Variants in PAPSS1 observed in about 807,000 individuals in gnomAD.
PAPSS1 encodes the protein bifunctional 3'-phosphoadenosine 5'-phosphosulfate synthase 1.
In PAPSS1, 50 loss-of-function variants were observed where a neutral mutation model predicts 72.0. That is an observed-to-expected ratio of 0.69 (90% CI 0.55 to 0.88). The LOEUF (loss-of-function observed/expected upper bound fraction) is 0.88, where lower values mean the gene tolerates loss of function less well. Ranked by LOEUF, PAPSS1 falls within the 40% of genes least tolerant of loss-of-function variation. PAPSS1 has a pLI of 0.00. For synonymous variants in PAPSS1, 261 were observed against 263.6 expected (o/e 0.99, Z 0.09); for missense variants, 657 against 782.2 (o/e 0.84, Z 1.91).
intron 11 of PAPSS1, among the ~76,000 whole-genome samples, chr4:107,621,506 G>A: frequency 6.6e-6 from 1 of 150,976 alleles, no homozygotes; most frequent in Non-Finnish European, 1.5e-5. Flanking sequence ...CTCTTAGGGG[G>A]CACTTACTCC....
chr4:107,672,866 C>T (rs568925922), intron 5 of PAPSS1, among the ~76,000 whole-genome samples: 2 of 152,166 alleles, frequency 1.3e-5, no homozygotes, highest in Non-Finnish European at 2.9e-5. Context: ...GAAAAAACTT[C>T]CAGAGGAACG....
intron 5 of PAPSS1, among the ~76,000 whole-genome samples, chr4:107,674,551 G>A (rs1431225742): frequency 6.6e-6 from 1 of 151,346 alleles, no homozygotes; most frequent in East Asian, 1.9e-4. Context: ...TAGAGACCTA[G>A]AAAGAGACTT....
intron 11 of PAPSS1, among the ~76,000 whole-genome samples, chr4:107,623,146 T>C (rs1170384227): frequency 6.6e-6 from 1 of 152,168 alleles, no homozygotes; most frequent in Non-Finnish European, 1.5e-5. Context: ...TTTTATAACT[T>C]TTATGTTCCA....
intron 3 of PAPSS1, among the ~76,000 whole-genome samples, chr4:107,692,283 C>A (rs1258085169): frequency 6.6e-6 from 1 of 152,010 alleles, no homozygotes; most frequent in Non-Finnish European, 1.5e-5. Flanking sequence ...CAACAAGGAA[C>A]TTAAGCAAAT....
chr4:107,639,290 A>ACAGGGATCCC (rs1047041437), intron 10 of PAPSS1, among the ~76,000 whole-genome samples: 1 of 152,218 alleles, frequency 6.6e-6, no homozygotes, highest in Non-Finnish European at 1.5e-5. Flanking sequence ...AAAACAGACT[A>ACAGGGATCCC]CAGGGATCCC....
chr4:107,709,898 A>C (rs1026692657), intron 1 of PAPSS1, among the ~76,000 whole-genome samples: 4 of 152,216 alleles, frequency 2.6e-5, no homozygotes, highest in Admixed American at 2.6e-4. Context: ...GCATGAATTA[A>C]ACTCTTTCTC....
chr4:107,691,471 G>A (rs1462626377), intron 3 of PAPSS1, among the ~76,000 whole-genome samples: 1 of 152,072 alleles, frequency 6.6e-6, no homozygotes, highest in African/African-American at 2.4e-5. Context: ...ATACTAACTC[G>A]CTTATTCACT....
intron 10 of PAPSS1, among the ~76,000 whole-genome samples, chr4:107,632,222 TG>T (rs1726242141): frequency 1.3e-5 from 2 of 152,112 alleles, no homozygotes; most frequent in South Asian, 4.1e-4. Context: ...GTCAGGATAA[TG>T]GCTGATCCCT....
At chr4:107,673,858 G>C (rs1365284807) in intron 5 of PAPSS1, among the ~76,000 whole-genome samples, 1 of 152,188 alleles carries the variant, frequency 6.6e-6, no homozygotes, top group Non-Finnish European at 1.5e-5. Flanking sequence ...CTCAGCAGAA[G>C]CTCTATAAGC....
intron 5 of PAPSS1, among the ~76,000 whole-genome samples, chr4:107,681,482 T>C (rs1722605393): frequency 6.6e-6 from 1 of 152,154 alleles, no homozygotes; most frequent in South Asian, 2.1e-4. Context: ...TTAGTGGGCC[T>C]GAGTACCCTG....
chr4:107,690,526 T>C (rs1015043795), intron 3 of PAPSS1, among the ~76,000 whole-genome samples: 1 of 152,158 alleles, frequency 6.6e-6, no homozygotes, highest in Non-Finnish European at 1.5e-5. Flanking sequence ...ACTCTTCACA[T>C]CTCCGCATTC....
At chr4:107,646,754 AC>A (rs1726707005) in intron 9 of PAPSS1, among the ~76,000 whole-genome samples, 1 of 152,068 alleles carries the variant, frequency 6.6e-6, no homozygotes, top group Non-Finnish European at 1.5e-5. Flanking sequence ...AGCCCTAGGT[AC>A]TAGTGATTTA....
At position 107,661,854 on chromosome 4, in the gene PAPSS1, A is replaced by G. The variant is rs185450103; in HGVS notation, c.670-1782T>C. Among the ~76,000 whole-genome samples, 17 of 152,298 alleles carry G rather than the reference A, an allele frequency of 1.1e-4. No individual in the cohort carries two copies. In the East Asian group the frequency reaches 3.1e-3, roughly 28 times the overall value. On this transcript the variant is annotated intron_variant, in intron 5 of 11. Coordinates refer to ENST00000265174, the MANE Select transcript of PAPSS1 (RefSeq NM_005443.5). ...TCAATCAAAGCCAGATGACTTCATG[A>G]AAGACCTAGGTGCTACCACTCAATC...
Position 107,720,154 on chromosome 4 carries a change from T to C in PAPSS1, c.26A>G (p.Lys9Arg). The C allele has an allele frequency of 6.2e-7, 1 of 1,605,908 alleles. No individual in the cohort carries two copies. The highest frequency in any genetic ancestry group is 8.5e-7 in the Non-Finnish European group (1 of 1,176,574). MEIPGSLC[K>R]KVKLSNNAQN... ...CGCGTTATTGCTCAGTTTGACTTTC[T>C]TGCACAGGCTCCCGGGGATCTCCAT... The change falls in exon 1 of 12, where the codon AAG becomes AGG. Residue 9 changes from lysine to arginine, a missense_variant. By Grantham distance (26) the Lys-to-Arg change is conservative. Around this residue, in one of 7 missense-constraint regions of PAPSS1, gnomAD observed 48 missense variants for 31.9 expected, o/e 1.51. Coordinates refer to ENST00000265174, the MANE Select transcript of PAPSS1 (RefSeq NM_005443.5).
intron 10 of PAPSS1, among the ~76,000 whole-genome samples, chr4:107,636,896 G>A (rs928199028): frequency 6.6e-6 from 1 of 152,026 alleles, no homozygotes; most frequent in Admixed American, 6.5e-5. Flanking sequence ...TGGAGCTAAG[G>A]TTTACTCAAA....
intron 5 of PAPSS1, among the ~76,000 whole-genome samples, chr4:107,678,987 C>T (rs1457183517): frequency 6.6e-6 from 1 of 152,080 alleles, no homozygotes; most frequent in East Asian, 1.9e-4. Flanking sequence ...TTCATACAAA[C>T]CAGGTAGCCA....
intron 1 of PAPSS1, among the ~76,000 whole-genome samples, chr4:107,719,584 C>T (rs756871996): frequency 8.5e-5 from 13 of 152,198 alleles, no homozygotes; most frequent in Non-Finnish European, 1.3e-4. Flanking sequence ...TGAATGACCA[C>T]ATTGTTGGGT....
At chr4:107,672,996 G>A (rs1188451635) in intron 5 of PAPSS1, among the ~76,000 whole-genome samples, 5 of 152,214 alleles carry the variant, frequency 3.3e-5, no homozygotes, top group Non-Finnish European at 2.9e-5. Flanking sequence ...CTGCAGCTGA[G>A]GGTCCTGACT....
intron 2 of PAPSS1, among the ~76,000 whole-genome samples, chr4:107,698,423 T>G: frequency 6.6e-6 from 1 of 152,222 alleles, no homozygotes; most frequent in African/African-American, 2.4e-5. Flanking sequence ...TACACGTTTA[T>G]GAAAACTACA....
Sources: gnomAD v4.1 joint callset for allele counts (sites outside exome capture counted in the v4.1 genomes callset) on GRCh38, gnomAD v4.1.1 for gene constraint, gnomAD v4.1.1 regional missense constraint, MANE v1.5 for transcripts, NCBI Gene and HGNC (gene_info 2026-07-23, HGNC 2026-07-21) for gene names.